Variants in ERC1 observed in about 807,000 individuals in gnomAD.
The protein encoded by ERC1 is ELKS/RAB6-interacting/CAST family member 1.
Under a neutral mutation model 132.0 loss-of-function variants are expected in ERC1, and 56 were observed. That is an observed-to-expected ratio of 0.42 (90% CI 0.34 to 0.53). The LOEUF is 0.53. Ranked by LOEUF, ERC1 falls within the 20% of genes least tolerant of loss-of-function variation. ERC1 has a pLI of 0.03. For missense variants in ERC1, 1,202 were observed against 1,349.9 expected, an observed-to-expected ratio of 0.89 and a Z score of 1.72; for synonymous variants, 478 against 476.1, an observed-to-expected ratio of 1.00 and a Z score of -0.05.
rs979524269 is a variant in ERC1 at position 1,493,059 on chromosome 12, G to C, written c.*2829G>C. On this transcript the variant is annotated 3_prime_UTR_variant, in exon 19 of 19. Coordinates refer to ENST00000360905, the MANE Select transcript of ERC1 (RefSeq NM_178040.4). ...ACCAATGTCACCATAAAGAGGGCAC[G>C]AAGAAGAGTGGGTGTGATCCCAACG... 1 of 222,800 alleles carries C rather than the reference G, an allele frequency of 4.5e-6. No homozygotes were observed. Among genetic ancestry groups the C allele is most frequent in the Non-Finnish European group, 9.0e-6 (1 of 111,562 alleles). 13.8% of individuals were successfully genotyped at this position (222,800 alleles called of 1,614,324 possible).
chr12:1,364,941 C>A (rs1208494407), intron 15 of ERC1, among the ~76,000 whole-genome samples: 1 of 152,172 alleles, frequency 6.6e-6, no homozygotes, highest in African/African-American at 2.4e-5. Flanking sequence ...AAACCAAAAT[C>A]TCTCTCTTTT....
At chr12:1,488,619 A>G (rs1458466197) in intron 18 of ERC1, among the ~76,000 whole-genome samples, 1 of 152,214 alleles carries the variant, frequency 6.6e-6, no homozygotes, top group Admixed American at 6.5e-5. Flanking sequence ...AGGTCAGATG[A>G]ACTGATCGGC....
intron 14 of ERC1, among the ~76,000 whole-genome samples, chr12:1,288,529 A>G (rs754100640): frequency 1.3e-5 from 2 of 152,244 alleles, no homozygotes; most frequent in Non-Finnish European, 2.9e-5. Context: ...AACTAAATGC[A>G]TTTGCTTACT....
At chr12:1,078,905 AAT>A (rs1430035722) in intron 2 of ERC1, among the ~76,000 whole-genome samples, 3 of 126,826 alleles carry the variant, frequency 2.4e-5, no homozygotes, top group Non-Finnish European at 5.6e-5. Context: ...AATGATTTGT[AAT>A]ATGATAAAAG....
chr12:1,274,743 G>GC (rs2078142094), intron 14 of ERC1, among the ~76,000 whole-genome samples: 1 of 152,032 alleles, frequency 6.6e-6, no homozygotes, highest in African/African-American at 2.4e-5. Context: ...CGCACACCTT[G>GC]ACCTCCCAAG....
intron 15 of ERC1, among the ~76,000 whole-genome samples, chr12:1,344,269 A>G (rs1165804024): frequency 6.6e-6 from 1 of 152,190 alleles, no homozygotes; most frequent in Non-Finnish European, 1.5e-5. Flanking sequence ...TTTAAAAGAT[A>G]CCTGGCCTGG....
chr12:1,118,005 G>A (rs1389226246), intron 7 of ERC1, among the ~76,000 whole-genome samples: 1 of 152,220 alleles, frequency 6.6e-6, no homozygotes, highest in African/African-American at 2.4e-5. Context: ...CATACAATGT[G>A]AAAATAAATT....
rs555560687 is a variant in ERC1 at position 1,495,105 on chromosome 12, C to T, written c.*4875C>T. 5.7e-5 allele frequency: 13 copies of T among 229,786 alleles called. No homozygotes were observed. The highest frequency in any genetic ancestry group is 9.5e-5 in the Non-Finnish European group (11 of 115,874). 14.2% of individuals were successfully genotyped at this position (229,786 alleles called of 1,614,324 possible). ...TTGTGACCCCATAACCACCCTCACC[C>T]GACGTGGGTTCTAGCTCAGTGTGCC... On this transcript the variant is annotated 3_prime_UTR_variant, in exon 19 of 19. Transcript: ENST00000360905.
At chr12:1,456,238 G>A (rs1056112564) in intron 18 of ERC1, among the ~76,000 whole-genome samples, 6 of 152,170 alleles carry the variant, frequency 3.9e-5, no homozygotes, top group South Asian at 2.1e-4. Context: ...TTTATGTATC[G>A]TGATTTTACA....
chr12:1,079,370 A>T (rs1331251284), intron 2 of ERC1, among the ~76,000 whole-genome samples: 2 of 114,586 alleles, frequency 1.7e-5, no homozygotes, highest in East Asian at 5.5e-4. Context: ...ATGATTTGTA[A>T]TATGACAAAA....
chr12:1,072,762 G>A (rs1453856299), intron 2 of ERC1, among the ~76,000 whole-genome samples: 4 of 152,052 alleles, frequency 2.6e-5, no homozygotes, highest in South Asian at 4.1e-4. Flanking sequence ...GTGCGATCTC[G>A]GCTCACTGCA....
At chr12:1,462,132 C>G (rs1026663285) in intron 18 of ERC1, among the ~76,000 whole-genome samples, 6 of 152,060 alleles carry the variant, frequency 3.9e-5, no homozygotes, top group African/African-American at 1.2e-4. Context: ...CAAATGAAAG[C>G]CACAAAGAGA....
In ERC1 at chr12:1,485,345, T is replaced by C. The variant is rs1031439170; in HGVS notation, c.3214-4748T>C. On this transcript the variant is annotated intron_variant, in intron 18 of 18. Transcript: ENST00000360905. ...TCAGCCACCCAAGTAGCTGGGATTA[T>C]AGGCGCCCGCCACCACGCCTGGCTA... Among the ~76,000 whole-genome samples the C allele has an allele frequency of 3.8e-4, 58 of 151,192 alleles. 1 individual carries two copies. Among genetic ancestry groups the C allele is most frequent in the African/African-American group, 1.4e-3 (56 of 40,904 alleles).
In ERC1 at chr12:1,305,619, T is replaced by G. The variant is rs569331056; in HGVS notation, c.2780+15607T>G. 4.5e-3 allele frequency among the ~76,000 whole-genome samples: 678 copies of G among 152,330 alleles called. 7 individuals are homozygous for G. The highest frequency in any genetic ancestry group is 0.016 in the African/African-American group (657 of 41,572). ...AGCTCAATACCTAATTATTATTTTCTTTTTATGCACTATTTTTATGAGTTT... is the reference window on the plus strand; with the variant it reads ...AGCTCAATACCTAATTATTATTTTCGTTTTATGCACTATTTTTATGAGTTT... On this transcript the variant is annotated intron_variant, in intron 15 of 18. Coordinates refer to ENST00000360905, the MANE Select transcript of ERC1 (RefSeq NM_178040.4).
chr12:1,413,884 C>A (rs1170422190), intron 17 of ERC1, among the ~76,000 whole-genome samples: 1 of 152,236 alleles, frequency 6.6e-6, no homozygotes, highest in Non-Finnish European at 1.5e-5. Context: ...CAGTCCCCAA[C>A]CTTTCTGGCA....
chr12:1,285,375 A>G (rs1301132531), intron 14 of ERC1, among the ~76,000 whole-genome samples: 1 of 152,216 alleles, frequency 6.6e-6, no homozygotes, highest in Non-Finnish European at 1.5e-5. Context: ...TATAAAACAA[A>G]TCCACAAAGC....
chr12:1,404,999 G>A (rs1202486901), intron 16 of ERC1, among the ~76,000 whole-genome samples: 1 of 151,902 alleles, frequency 6.6e-6, no homozygotes, highest in East Asian at 1.9e-4. Context: ...AAAATAGCCA[G>A]CGTGGTGGTG....
chr12:1,139,823 C>G (rs1399977555), intron 7 of ERC1, among the ~76,000 whole-genome samples: 1 of 150,764 alleles, frequency 6.6e-6, no homozygotes, highest in African/African-American at 2.4e-5. Context: ...GACGATAGAT[C>G]AGAGGTCATG....
intron 12 of ERC1, among the ~76,000 whole-genome samples, chr12:1,214,665 TAC>T (rs59137347): frequency 0.055 from 6,497 of 118,766 alleles, 179 homozygotes; most frequent in East Asian, 0.096. Flanking sequence ...TGTGTATACA[TAC>T]ACACACACAC....
Sources: gnomAD v4.1 joint callset for allele counts (sites outside exome capture counted in the v4.1 genomes callset) on GRCh38, gnomAD v4.1.1 for gene constraint, MANE v1.5 for transcripts, NCBI Gene and HGNC (gene_info 2026-07-23, HGNC 2026-07-21) for gene names.